SLC1A2: variants seen among roughly 807,000 people sequenced by gnomAD.
SLC1A2 encodes the protein excitatory amino acid transporter 2.
In SLC1A2, 15 loss-of-function variants were observed where a neutral mutation model predicts 48.8. The observed-to-expected ratio is 0.31, with a 90% CI of 0.21 to 0.47. The LOEUF is 0.47. Among genes scored for constraint, SLC1A2 ranks in the 20% least tolerant of loss-of-function variants. The probability of loss-of-function intolerance (pLI) is 0.99; values close to 1 mark genes in which losing one functional copy is unlikely to be tolerated. For synonymous variants in SLC1A2, 279 were observed against 272.6 expected, an observed-to-expected ratio of 1.02 and a Z score of -0.23; for missense variants, 502 against 730.5, an observed-to-expected ratio of 0.69 and a Z score of 3.61.
intron 1 of SLC1A2, among the ~76,000 whole-genome samples, chr11:35,329,797 G>T (rs928036760): frequency 2.0e-5 from 3 of 152,118 alleles, no homozygotes; most frequent in African/African-American, 7.2e-5. Flanking sequence ...CTTCCTTTAT[G>T]GTGAGCCTAT....
chr11:35,255,218 C>T lies in SLC1A2; in HGVS notation c.*5676G>A, dbSNP rs1312296896. The T allele has an allele frequency of 5.4e-6, 1 of 184,372 alleles. No homozygotes were observed. 11.4% of individuals were successfully genotyped at this position (184,372 alleles called of 1,614,324 possible). On this transcript the variant is annotated 3_prime_UTR_variant, in exon 11 of 11. Coordinates refer to ENST00000278379, the MANE Select transcript of SLC1A2 (RefSeq NM_004171.4). ...TTTGGACAAACAGCAGAGGTGTCCA[C>T]CATGGGCCATTGCAGCAGTGCCAGA...
At chr11:35,286,354 TTGGC>T (rs1358654863) in intron 8 of SLC1A2, 1 of 155,426 alleles carries the variant, frequency 6.4e-6, no homozygotes, top group African/African-American at 2.4e-5. Context: ...TCAGCTGATG[TTGGC>T]CTCAGTTACA....
intron 6 of SLC1A2, among the ~76,000 whole-genome samples, chr11:35,294,888 A>G (rs903088424): frequency 3.3e-5 from 5 of 152,218 alleles, no homozygotes; most frequent in African/African-American, 1.2e-4. Context: ...GTGAAGTGTT[A>G]GGGTTTATAA....
At chr11:35,298,628 C>T (rs1482932463) in intron 6 of SLC1A2, 1 of 152,192 alleles carries the variant, frequency 6.6e-6, no homozygotes, top group East Asian at 1.9e-4. Flanking sequence ...TGTCAGAAAT[C>T]ATTCTAAGGT....
chr11:35,261,681 C>T, intron 10 of SLC1A2: 1 of 398,620 alleles, frequency 2.5e-6, no homozygotes, highest in Non-Finnish European at 4.4e-6. Flanking sequence ...TTCTGTCTGT[C>T]TGTCCTCAAC....
intron 1 of SLC1A2, among the ~76,000 whole-genome samples, chr11:35,333,479 T>C (rs555908680): frequency 6.6e-6 from 1 of 151,734 alleles, no homozygotes; most frequent in Non-Finnish European, 1.5e-5. Flanking sequence ...CTTTTACCTA[T>C]ATTGTTATAC....
chr11:35,273,569 T>C (rs1391961481), intron 9 of SLC1A2, among the ~76,000 whole-genome samples: 1 of 152,236 alleles, frequency 6.6e-6, no homozygotes, highest in Non-Finnish European at 1.5e-5. Flanking sequence ...AAGAAGCTTC[T>C]CATTATATTA....
rs1347119282 is a variant in SLC1A2 at position 35,257,675 on chromosome 11, AAGT to A, written c.*3216_*3218del. ...ATTCATTGAATTTGAGTAAGTAATT[AAGT>A]GATGATTCCACTTGGGTTTCTCAAA... is the stretch of plus-strand genomic sequence containing the variant. On this transcript the variant is annotated 3_prime_UTR_variant, in exon 11 of 11. Transcript: ENST00000278379. 1 of 152,216 alleles carries A rather than the reference AAGT, an allele frequency of 6.6e-6. No homozygotes were observed. Among genetic ancestry groups the A allele is most frequent in the Non-Finnish European group, 1.5e-5 (1 of 68,030 alleles). The allele number at this position is 152,216 out of a possible 1,614,324, so 9.4% of individuals were successfully genotyped here.
At chr11:35,322,114 G>A (rs1346672322) in intron 1 of SLC1A2, among the ~76,000 whole-genome samples, 1 of 152,100 alleles carries the variant, frequency 6.6e-6, no homozygotes, top group African/African-American at 2.4e-5. Context: ...TTAACAATGA[G>A]CCCATAATTT....
intron 1 of SLC1A2, among the ~76,000 whole-genome samples, chr11:35,337,361 T>C (rs1852673108): frequency 6.6e-6 from 1 of 152,168 alleles, no homozygotes. Flanking sequence ...TAACTATTCA[T>C]TGTTTTCAAA....
At position 35,260,551 on chromosome 11, in the gene SLC1A2, A is replaced by T; in HGVS notation, c.*343T>A. 1 of 303,016 alleles carries T rather than the reference A, an allele frequency of 3.3e-6. No individual in the cohort carries two copies. Among genetic ancestry groups the T allele is most frequent in the Non-Finnish European group, 6.3e-6 (1 of 159,180 alleles). The allele number at this position is 303,016 out of a possible 1,614,324, so 18.8% of individuals were successfully genotyped here. On this transcript the variant is annotated 3_prime_UTR_variant, in exon 11 of 11. Coordinates refer to ENST00000278379, the MANE Select transcript of SLC1A2 (RefSeq NM_004171.4). ...TCCCTGGAGTGTACCACACTGCTTT[A>T]CTCATGTCCCCTGGGAAAAGAGCAT... is the stretch of plus-strand genomic sequence containing the variant.
intron 1 of SLC1A2, among the ~76,000 whole-genome samples, chr11:35,323,776 G>A (rs1201747830): frequency 6.6e-6 from 1 of 152,178 alleles, no homozygotes; most frequent in Non-Finnish European, 1.5e-5. Context: ...ATGTTTTTGT[G>A]TTCCTTTTAA....
At chr11:35,337,518 C>T (rs78231377) in intron 1 of SLC1A2, among the ~76,000 whole-genome samples, 4,663 of 152,192 alleles carry the variant, frequency 0.031, 218 homozygotes, top group East Asian at 0.098. Context: ...AGTATCACCA[C>T]ACTACTCAGT....
chr11:35,261,205 G>A (rs929086240), intron 10 of SLC1A2, among the ~76,000 whole-genome samples: 3 of 152,104 alleles, frequency 2.0e-5, no homozygotes, highest in East Asian at 1.9e-4. Context: ...TGTAATTTGG[G>A]GAATAACTTC....
rs147089604 is a variant in SLC1A2 at position 35,300,441 on chromosome 11, G to C, written c.857+1078C>G. Among the ~76,000 whole-genome samples the C allele has an allele frequency of 6.9e-4, 105 of 152,324 alleles. No homozygotes were observed. In the East Asian group the frequency reaches 0.016, roughly 23 times the overall value. ...CATCTGGGAGATGATTAGGTGATGAGGGCTGTGCCCTCTTCAATGGAATTA... is the reference window on the plus strand; with the variant it reads ...CATCTGGGAGATGATTAGGTGATGACGGCTGTGCCCTCTTCAATGGAATTA... On this transcript the variant is annotated intron_variant, in intron 6 of 10. Coordinates refer to ENST00000278379, the MANE Select transcript of SLC1A2 (RefSeq NM_004171.4).
At chr11:35,419,647 C>A (rs1222298858), upstream of SLC1A2, 1 of 158,306 alleles carries the variant, frequency 6.3e-6, no homozygotes, top group Non-Finnish European at 1.4e-5. The surrounding 1 kb of genome is among the most constrained non-coding windows in gnomAD (Gnocchi z 5.4). Context: ...TCCCCCCAGC[C>A]TCTCGCCATA....
In SLC1A2 at chr11:35,283,321, C is replaced by T. The variant is rs556275871; in HGVS notation, c.1287-2320G>A. On this transcript the variant is annotated intron_variant, in intron 8 of 10. Transcript: ENST00000278379. ...GAGAAATGAAAATTTTACTTGGAAG[C>T]GCAGCCTGAAGATAGATTTGGCTAT... 9.2e-5 allele frequency among the ~76,000 whole-genome samples: 14 copies of T among 152,282 alleles called. No homozygotes were observed. In the East Asian group the frequency reaches 1.7e-3, roughly 19 times the overall value.
chr11:35,419,304 G>A lies in SLC1A2; in HGVS notation c.-338C>T. On this transcript the variant is annotated 5_prime_UTR_variant, in exon 1 of 11. Transcript: ENST00000278379. The surrounding 1 kb of genome is among the most constrained non-coding windows in gnomAD (Gnocchi z 5.4). ...CTGCAGGAGGGCGCACGCCGGCGAT[G>A]CGCCCCTGCAGCCGCTGCCACCTGT... The A allele has an allele frequency of 3.6e-6, 1 of 279,592 alleles. No homozygotes were observed. Among genetic ancestry groups the A allele is most frequent in the Non-Finnish European group, 6.6e-6 (1 of 151,404 alleles). The allele number at this position is 279,592 out of a possible 1,614,324, so 17.3% of individuals were successfully genotyped here. A position where few individuals can be genotyped will look rare whatever the true frequency, so the allele number is the denominator to read the frequency against.
At chr11:35,324,885 A>C (rs897225529) in intron 1 of SLC1A2, among the ~76,000 whole-genome samples, 1 of 152,122 alleles carries the variant, frequency 6.6e-6, no homozygotes, top group African/African-American at 2.4e-5. Context: ...CCAAGTAACA[A>C]TGAGCCTCCA....
Sources: allele counts gnomAD v4.1 joint callset (sites outside exome capture counted in the v4.1 genomes callset), GRCh38; gene constraint gnomAD v4.1.1; non-coding constraint Gnocchi (gnomAD v3.1); transcripts MANE v1.5; gene names NCBI Gene and HGNC (gene_info 2026-07-23, HGNC 2026-07-21).